FMNL2: variants seen among roughly 807,000 people sequenced by gnomAD.
The protein encoded by FMNL2 is formin-like protein 2.
In FMNL2, 51 loss-of-function variants were observed where a neutral mutation model predicts 130.2. The ratio of observed to expected loss-of-function variants is 0.39; its 90% CI spans 0.31 to 0.49. The LOEUF (loss-of-function observed/expected upper bound fraction) is 0.49, where lower values mean the gene tolerates loss of function less well. Among genes scored for constraint, FMNL2 ranks in the 20% least tolerant of loss-of-function variants. The pLI, the probability that FMNL2 is intolerant of heterozygous loss-of-function variation, is 0.85. For synonymous variants in FMNL2, 465 were observed against 467.1 expected (o/e 1.00, Z 0.06); for missense variants, 977 against 1,316.2 (o/e 0.74, Z 3.99).
chr2:152,612,859 G>A lies in FMNL2; in HGVS notation c.1062+1254G>A, dbSNP rs138096154. 2.3e-4 allele frequency among the ~76,000 whole-genome samples: 35 copies of A among 152,164 alleles called. No individual in the cohort carries two copies. The East Asian group carries it at 6.4e-3, about 28-fold the overall frequency. ...CCTGCCTCAAGTAATGCACCCAGCC[G>A]GTGACCTGAATTTCAAGCCTGTTTC... is the stretch of plus-strand genomic sequence containing the variant. On this transcript the variant is annotated intron_variant, in intron 11 of 25. Transcript: ENST00000288670.
chr2:152,629,305 T>C (rs546814917), intron 18 of FMNL2, among the ~76,000 whole-genome samples: 1 of 152,306 alleles, frequency 6.6e-6, no homozygotes, highest in South Asian at 2.1e-4. Context: ...ATTAATTGTA[T>C]GACATGATTA....
chr2:152,431,569 A>G (rs1687491827), intron 1 of FMNL2, among the ~76,000 whole-genome samples: 3 of 152,232 alleles, frequency 2.0e-5, no homozygotes, highest in Admixed American at 1.3e-4. Flanking sequence ...TAAAACATCA[A>G]ATATATCATT....
intron 2 of FMNL2, among the ~76,000 whole-genome samples, chr2:152,524,028 C>T (rs1450083847): frequency 6.6e-6 from 1 of 152,188 alleles, no homozygotes; most frequent in Non-Finnish European, 1.5e-5. Flanking sequence ...TTTCCATATC[C>T]TTCTCACCTT....
Position 152,524,424 on chromosome 2 carries a change from G to A in FMNL2, c.201+2398G>A, listed in dbSNP as rs1015949204. Among the ~76,000 whole-genome samples the A allele has an allele frequency of 2.6e-5, 4 of 152,136 alleles. No individual in the cohort carries two copies. In the East Asian group the frequency reaches 5.8e-4, roughly 22 times the overall value. On this transcript the variant is annotated intron_variant, in intron 2 of 25. Coordinates refer to ENST00000288670, the MANE Select transcript of FMNL2 (RefSeq NM_052905.4). ...CTAATTCTGGAGGGAGTGGGGCTACGGAAGCCACGGAACAGAGACATCTGT... is the reference window on the plus strand; with the variant it reads ...CTAATTCTGGAGGGAGTGGGGCTACAGAAGCCACGGAACAGAGACATCTGT...
intron 1 of FMNL2, among the ~76,000 whole-genome samples, chr2:152,355,589 C>A (rs1219963009): frequency 6.6e-6 from 1 of 152,194 alleles, no homozygotes; most frequent in Non-Finnish European, 1.5e-5. Context: ...AAAGGAGCAG[C>A]AGATATGCAG....
intron 1 of FMNL2, among the ~76,000 whole-genome samples, chr2:152,344,942 C>G (rs1230646332): frequency 6.6e-6 from 1 of 152,234 alleles, no homozygotes; most frequent in East Asian, 1.9e-4. Flanking sequence ...GATGCTAGGT[C>G]AAGAATGAGC....
intron 1 of FMNL2, among the ~76,000 whole-genome samples, chr2:152,386,841 G>C (rs767567954): frequency 5.9e-5 from 9 of 152,158 alleles, no homozygotes; most frequent in Non-Finnish European, 1.3e-4. Flanking sequence ...AATGCCGGAA[G>C]AAGTAGATTC....
chr2:152,535,057 A>C (rs1022260590), intron 2 of FMNL2, among the ~76,000 whole-genome samples: 1 of 152,180 alleles, frequency 6.6e-6, no homozygotes, highest in Admixed American at 6.5e-5. Context: ...GAACGGAGGA[A>C]AGAGGTACAC....
At chr2:152,341,026 C>A (rs1259188762) in intron 1 of FMNL2, among the ~76,000 whole-genome samples, 1 of 152,218 alleles carries the variant, frequency 6.6e-6, no homozygotes, top group East Asian at 1.9e-4. Flanking sequence ...TTACTTCCCA[C>A]TGCAAGGTGT....
intron 5 of FMNL2, 89 bp from the exon 6 acceptor site, chr2:152,560,794 G>A: frequency 2.4e-6 from 3 of 1,247,150 alleles, no homozygotes; most frequent in Non-Finnish European, 3.2e-6. Context: ...AGGTGCAGAT[G>A]TCTTGTAGGA....
chr2:152,617,200 T>C lies in FMNL2; in HGVS notation c.1314+8T>C. 1 of 1,613,612 alleles carries C rather than the reference T, an allele frequency of 6.2e-7. No individual in the cohort carries two copies. The highest frequency in any genetic ancestry group is 8.5e-7 in the Non-Finnish European group (1 of 1,179,588). On this transcript the variant is annotated splice_region_variant and intron_variant, in intron 13 of 25. Coordinates refer to ENST00000288670, the MANE Select transcript of FMNL2 (RefSeq NM_052905.4). ...GAGCTGGATGTCGTTCGGGTAAGTG[T>C]AATGATGACAACTGCCCAGATGGGC...
At chr2:152,565,761 T>G (rs1695800971) in intron 6 of FMNL2, among the ~76,000 whole-genome samples, 1 of 151,932 alleles carries the variant, frequency 6.6e-6, no homozygotes, top group Admixed American at 6.6e-5. Context: ...AGAGTTTGTT[T>G]TTCTTATGAT....
chr2:152,366,435 T>G (rs916644286), intron 1 of FMNL2, among the ~76,000 whole-genome samples: 1 of 135,068 alleles, frequency 7.4e-6, no homozygotes, highest in Non-Finnish European at 1.5e-5. Context: ...ACTTAAAGTA[T>G]AATAATAATA....
chr2:152,478,352 G>A (rs921962583), intron 1 of FMNL2, among the ~76,000 whole-genome samples: 9 of 148,140 alleles, frequency 6.1e-5, no homozygotes, highest in South Asian at 2.1e-4. Context: ...ATTCTCCTGC[G>A]TCAGCCTCCT....
At chr2:152,373,605 A>G (rs1329017816) in intron 1 of FMNL2, among the ~76,000 whole-genome samples, 1 of 152,068 alleles carries the variant, frequency 6.6e-6, no homozygotes, top group Non-Finnish European at 1.5e-5. Flanking sequence ...TCACCTATAG[A>G]TTATCTATAA....
chr2:152,375,873 C>CTATATATATATATATATA (rs1235599536), intron 1 of FMNL2, among the ~76,000 whole-genome samples: 19 of 113,790 alleles, frequency 1.7e-4, no homozygotes, highest in East Asian at 6.9e-4. Context: ...CTCTCTCTCT[C>CTATATATATATATATATA]TCTCTATATA....
At chr2:152,574,798 A>G (rs1320043176) in intron 6 of FMNL2, among the ~76,000 whole-genome samples, 1 of 152,238 alleles carries the variant, frequency 6.6e-6, no homozygotes, top group Non-Finnish European at 1.5e-5. Context: ...GGTTAAAATA[A>G]GAAAGATAGA....
At chr2:152,389,888 G>A in intron 1 of FMNL2, 2 of 1,018,474 alleles carry the variant, frequency 2.0e-6, no homozygotes, top group Non-Finnish European at 1.5e-6. Flanking sequence ...AAGGCCCGGT[G>A]GGAGAAGAGA....
At chr2:152,586,950 C>G (rs573178556) in intron 9 of FMNL2, among the ~76,000 whole-genome samples, 7 of 152,278 alleles carry the variant, frequency 4.6e-5, no homozygotes, top group African/African-American at 1.7e-4. Context: ...GGGGCCTCAT[C>G]AGGGAAGACC....
Sources: gnomAD v4.1 joint callset for allele counts (sites outside exome capture counted in the v4.1 genomes callset) on GRCh38, gnomAD v4.1.1 for gene constraint, MANE v1.5 for transcripts, NCBI Gene and HGNC (gene_info 2026-07-23, HGNC 2026-07-21) for gene names.